PCDH9: variants seen among roughly 807,000 people sequenced by gnomAD.
PCDH9 encodes the protein protocadherin-9.
A neutral mutation model predicts 70.6 loss-of-function variants in PCDH9; 24 were observed. The ratio of observed to expected loss-of-function variants is 0.34; its 90% CI spans 0.25 to 0.48. The LOEUF is 0.48. Ranked by LOEUF, PCDH9 falls within the 20% of genes least tolerant of loss-of-function variation. PCDH9 has a pLI of 0.99. For missense variants in PCDH9, 1,281 were observed against 1,503.6 expected (o/e 0.85, Z 2.45); for synonymous variants, 562 against 558.5 (o/e 1.01, Z -0.09).
At position 66,364,387 on chromosome 13, in the gene PCDH9, C is replaced by T. The variant is rs79188264; in HGVS notation, c.3341-59359G>A. 5.0e-3 allele frequency among the ~76,000 whole-genome samples: 755 copies of T among 152,212 alleles called. 21 individuals are homozygous for T. In the East Asian group the frequency reaches 0.074, roughly 15 times the overall value. Reference sequence around the variant, plus strand: ...GATTGAGTATATGATCAATTGGAAACCTTTGCAAGTCCTTCATCATTGGAA... The same window carrying T: ...GATTGAGTATATGATCAATTGGAAATCTTTGCAAGTCCTTCATCATTGGAA... On this transcript the variant is annotated intron_variant, in intron 4 of 4. Coordinates refer to ENST00000377865, the MANE Select transcript of PCDH9 (RefSeq NM_203487.3).
At chr13:66,346,839 C>T (rs1396775827) in intron 4 of PCDH9, among the ~76,000 whole-genome samples, 1 of 152,146 alleles carries the variant, frequency 6.6e-6, no homozygotes, top group Admixed American at 6.5e-5. Flanking sequence ...CCAGTGGGCC[C>T]TCACAGCTCT....
intron 4 of PCDH9, among the ~76,000 whole-genome samples, chr13:66,449,194 C>T (rs987575588): frequency 4.6e-5 from 7 of 152,026 alleles, no homozygotes; most frequent in African/African-American, 1.7e-4. Flanking sequence ...ACCCAATTAG[C>T]CACTAGTATT....
At chr13:66,425,944 A>G (rs2138362166) in intron 4 of PCDH9, among the ~76,000 whole-genome samples, 1 of 151,802 alleles carries the variant, frequency 6.6e-6, no homozygotes, top group East Asian at 1.9e-4. Context: ...TCATCAGCCA[A>G]AAGGGATGGA....
At chr13:67,130,502 G>A (rs781605596) in intron 2 of PCDH9, among the ~76,000 whole-genome samples, 2 of 151,716 alleles carry the variant, frequency 1.3e-5, no homozygotes, top group Non-Finnish European at 2.9e-5. Context: ...TGCAGATCTC[G>A]GTCAAAGTGA....
chr13:67,016,094 G>A (rs759188851), intron 2 of PCDH9, among the ~76,000 whole-genome samples: 3 of 152,080 alleles, frequency 2.0e-5, no homozygotes, highest in Non-Finnish European at 2.9e-5. Flanking sequence ...ATGCTTTAGT[G>A]TACCTTTAGG....
Position 66,400,357 on chromosome 13 carries a change from G to T in PCDH9, c.3341-95329C>A, listed in dbSNP as rs532427255. Among the ~76,000 whole-genome samples, 22 of 152,198 alleles carry T rather than the reference G, an allele frequency of 1.4e-4. No homozygotes were observed. The East Asian group carries it at 4.2e-3, about 29-fold the overall frequency. ...AACAGTTGAAGATGAGAAATAAATA[G>T]ATTTTTTTATCCTTAAAAATAAATC... On this transcript the variant is annotated intron_variant, in intron 4 of 4. Coordinates refer to ENST00000377865, the MANE Select transcript of PCDH9 (RefSeq NM_203487.3).
intron 4 of PCDH9, among the ~76,000 whole-genome samples, chr13:66,583,570 CGCCACT>C (rs2076923336): frequency 6.6e-6 from 1 of 151,538 alleles, no homozygotes; most frequent in African/African-American, 2.4e-5. Context: ...GCTGAGATCC[CGCCACT>C]GTACTCCAGT....
intron 4 of PCDH9, among the ~76,000 whole-genome samples, chr13:66,539,668 TTTTG>T (rs745612662): frequency 3.1e-4 from 47 of 152,206 alleles, no homozygotes; most frequent in African/African-American, 7.7e-4. Context: ...TATTGGGTTT[TTTTG>T]TTTGTTTGTT....
At chr13:67,105,085 GAC>G (rs2138250963) in intron 2 of PCDH9, among the ~76,000 whole-genome samples, 1 of 152,058 alleles carries the variant, frequency 6.6e-6, no homozygotes, top group South Asian at 2.1e-4. Context: ...TTTCAAGATG[GAC>G]ACTTCTTGGC....
intron 2 of PCDH9, among the ~76,000 whole-genome samples, chr13:67,191,491 C>T (rs934929518): frequency 8.6e-5 from 13 of 152,026 alleles, no homozygotes; most frequent in South Asian, 4.1e-4. Flanking sequence ...ATTATTTCAA[C>T]CCTTTTAAAG....
intron 3 of PCDH9, among the ~76,000 whole-genome samples, chr13:66,707,977 T>A (rs1011390998): frequency 6.6e-6 from 1 of 152,244 alleles, no homozygotes; most frequent in African/African-American, 2.4e-5. Context: ...TTACCTTTTT[T>A]AAATTCCGTT....
chr13:66,819,551 C>T (rs986822950), intron 3 of PCDH9, among the ~76,000 whole-genome samples: 2 of 152,002 alleles, frequency 1.3e-5, no homozygotes, highest in Admixed American at 6.6e-5. Flanking sequence ...TTCAGGGAGT[C>T]CCTTAAAAAT....
At position 66,668,387 on chromosome 13, in the gene PCDH9, A is replaced by C. The variant is rs572646444; in HGVS notation, c.3139-36976T>G. On this transcript the variant is annotated intron_variant, in intron 3 of 4. Coordinates refer to ENST00000377865, the MANE Select transcript of PCDH9 (RefSeq NM_203487.3). ...ATCTCTCCTACTCTTTAGGAGCCCA[A>C]ATGCCACAAGATTTTATTTTGCTCA... 1.4e-3 allele frequency among the ~76,000 whole-genome samples: 220 copies of C among 152,064 alleles called. 1 individual carries two copies. The highest frequency in any genetic ancestry group is 2.7e-3 in the Non-Finnish European group (181 of 67,972).
chr13:66,788,348 A>T (rs952532684), intron 3 of PCDH9, among the ~76,000 whole-genome samples: 2 of 152,192 alleles, frequency 1.3e-5, no homozygotes, highest in Non-Finnish European at 2.9e-5. Flanking sequence ...TTTTCAACAC[A>T]TGAATTTCAA....
chr13:66,391,990 A>C (rs1473533402), intron 4 of PCDH9, among the ~76,000 whole-genome samples: 1 of 151,358 alleles, frequency 6.6e-6, no homozygotes, highest in African/African-American at 2.4e-5. Flanking sequence ...AACTGCTGTT[A>C]TAGGAAAACA....
At chr13:67,083,457 C>T (rs756555572) in intron 2 of PCDH9, among the ~76,000 whole-genome samples, 14 of 152,042 alleles carry the variant, frequency 9.2e-5, no homozygotes, top group Admixed American at 6.6e-5. Context: ...CAACTTTCAA[C>T]CAGGAAAAAG....
At chr13:66,619,838 C>CA (rs1481323642) in intron 4 of PCDH9, among the ~76,000 whole-genome samples, 5 of 152,096 alleles carry the variant, frequency 3.3e-5, no homozygotes, top group Non-Finnish European at 7.4e-5. Context: ...ATCCTGCCCC[C>CA]ACCTCTGCCT....
intron 2 of PCDH9, among the ~76,000 whole-genome samples, chr13:66,964,025 CAAAT>C (rs1217989765): frequency 7.2e-5 from 11 of 151,938 alleles, no homozygotes; most frequent in Non-Finnish European, 1.5e-4. Flanking sequence ...AATAATAAAA[CAAAT>C]AATAGATTAG....
intron 3 of PCDH9, among the ~76,000 whole-genome samples, chr13:66,824,281 T>C (rs1368473850): frequency 7.1e-6 from 1 of 141,390 alleles, no homozygotes; most frequent in Admixed American, 7.2e-5. Flanking sequence ...AATTTTAAAA[T>C]TTTGCCCTCA....
Sources: gnomAD v4.1 joint callset for allele counts (sites outside exome capture counted in the v4.1 genomes callset) on GRCh38, gnomAD v4.1.1 for gene constraint, MANE v1.5 for transcripts, NCBI Gene and HGNC (gene_info 2026-07-23, HGNC 2026-07-21) for gene names.